The following CAST variants were observed in gnomAD, a reference collection of about 807,000 sequenced individuals.
The protein encoded by CAST is calpastatin.
In CAST, 76 loss-of-function variants were observed where a neutral mutation model predicts 119.6. That is an observed-to-expected ratio of 0.64 (90% confidence interval 0.53 to 0.77). The LOEUF (loss-of-function observed/expected upper bound fraction) is 0.77, where lower values mean the gene tolerates loss of function less well. Among genes scored for constraint, CAST ranks in the 30% least tolerant of loss-of-function variants. CAST has a pLI of 0.00. For synonymous variants in CAST, 319 were observed against 331.6 expected (o/e 0.96, Z 0.41); for missense variants, 953 against 946.5 (o/e 1.01, Z -0.09).
chr5:96,377,139 ACAGT>A, the CAST span, among the ~76,000 whole-genome samples: 18 of 152,142 alleles, frequency 1.2e-4, no homozygotes, highest in Admixed American at 3.9e-4. Flanking sequence ...GCCAAATAAA[ACAGT>A]CAAACTTTCA....
At chr5:96,122,386 T>C in the CAST span, among the ~76,000 whole-genome samples, 2 of 152,282 alleles carry the variant, frequency 1.3e-5, no homozygotes, top group African/African-American at 4.8e-5. Context: ...TTTTTTTCCT[T>C]TATAACTCAA....
chr5:96,432,744 G>A, the CAST span: 1 of 783,424 alleles, frequency 1.3e-6, no homozygotes, highest in Non-Finnish European at 2.2e-6. Flanking sequence ...GCAGCTCCTT[G>A]CTCTTTGCTA....
chr5:96,390,431 C>T, the CAST span: 12 of 152,156 alleles, frequency 7.9e-5, no homozygotes, highest in African/African-American at 2.9e-4. Flanking sequence ...GTCAATACAT[C>T]AAATGTATAA....
the CAST span, chr5:96,318,343 A>T: frequency 6.6e-6 from 1 of 152,220 alleles, no homozygotes; most frequent in African/African-American, 2.4e-5. Context: ...GAACTCAAAG[A>T]ACCTTCTATG....
chr5:96,306,958 T>C, the CAST span, among the ~76,000 whole-genome samples: 2 of 152,244 alleles, frequency 1.3e-5, no homozygotes, highest in Non-Finnish European at 2.9e-5. Flanking sequence ...TGTAGATGTC[T>C]ATTAGGTTGG....
chr5:96,383,707 A>C, the CAST span, among the ~76,000 whole-genome samples: 1 of 152,152 alleles, frequency 6.6e-6, no homozygotes, highest in African/African-American at 2.4e-5. Context: ...TGGCCTTCCA[A>C]AGTGCTGGGA....
chr5:96,675,698 C>A, intron 2 of CAST, 97 bp downstream of exon 2: 1 of 866,482 alleles, frequency 1.2e-6, no homozygotes, highest in African/African-American at 1.7e-5. Context: ...GAGCTTCTAC[C>A]TTGCTTAATA....
At chr5:95,985,896 C>A in the CAST span, among the ~76,000 whole-genome samples, 9 of 152,120 alleles carry the variant, frequency 5.9e-5, no homozygotes, top group Non-Finnish European at 1.2e-4. Context: ...GCTTTTTCTG[C>A]CGTTATTTTC....
At chr5:96,626,060 C>A (rs1338383210) in intron 1 of CAST, among the ~76,000 whole-genome samples, 1 of 152,144 alleles carries the variant, frequency 6.6e-6, no homozygotes, top group Non-Finnish European at 1.5e-5. Context: ...CCCCTTTATC[C>A]TCCACGGACA....
At chr5:96,439,898 G>A in the CAST span, among the ~76,000 whole-genome samples, 8 of 152,178 alleles carry the variant, frequency 5.3e-5, no homozygotes, top group East Asian at 1.4e-3. Flanking sequence ...GTTAGAAGAG[G>A]GACCAATCCT....
At chr5:96,213,782 C>T in the CAST span, 1 of 152,082 alleles carries the variant, frequency 6.6e-6, no homozygotes, top group African/African-American at 2.4e-5. Context: ...CAGAGTAAGA[C>T]CTTGTCTCTA....
At chr5:96,273,170 C>T in the CAST span, among the ~76,000 whole-genome samples, 16 of 152,264 alleles carry the variant, frequency 1.1e-4, no homozygotes, top group African/African-American at 1.7e-4. Flanking sequence ...GTTGATATGA[C>T]GTTGATAAAC....
At chr5:96,152,990 A>G in the CAST span, among the ~76,000 whole-genome samples, 1 of 152,248 alleles carries the variant, frequency 6.6e-6, no homozygotes, top group South Asian at 2.1e-4. Context: ...AAAAAATTGA[A>G]TTAGGGTGCT....
the CAST span, among the ~76,000 whole-genome samples, chr5:96,467,402 C>T: frequency 1.3e-5 from 2 of 152,022 alleles, no homozygotes; most frequent in South Asian, 4.1e-4. Context: ...AAGACTTCCC[C>T]TATACTGAGA....
At chr5:96,198,916 T>A in the CAST span, among the ~76,000 whole-genome samples, 1 of 152,160 alleles carries the variant, frequency 6.6e-6, no homozygotes, top group African/African-American at 2.4e-5. Context: ...CCATTTTTCA[T>A]GTTCCATATC....
At chr5:96,274,669 G>C in the CAST span, among the ~76,000 whole-genome samples, 1 of 152,232 alleles carries the variant, frequency 6.6e-6, no homozygotes, top group African/African-American at 2.4e-5. Flanking sequence ...ACAATGAGAA[G>C]AGAGGAAGAT....
At chr5:96,433,450 T>G in the CAST span, among the ~76,000 whole-genome samples, 2 of 152,236 alleles carry the variant, frequency 1.3e-5, no homozygotes, top group East Asian at 3.8e-4. Context: ...GCTCCTTGTC[T>G]GCCCATAAAT....
At chr5:96,533,596 T>C (rs1745731227) in intron 1 of CAST, among the ~76,000 whole-genome samples, 1 of 152,166 alleles carries the variant, frequency 6.6e-6, no homozygotes, top group Admixed American at 6.5e-5. Flanking sequence ...GCAGATACTT[T>C]AGCAAACCAC....
intron 1 of CAST, among the ~76,000 whole-genome samples, chr5:96,654,181 G>T (rs1580859435): frequency 6.6e-6 from 1 of 151,788 alleles, no homozygotes; most frequent in Middle Eastern, 3.4e-3. Flanking sequence ...GCACCACCAT[G>T]CCTGGCTAAA....
Sources: gnomAD v4.1 joint callset for allele counts (sites outside exome capture counted in the v4.1 genomes callset) on GRCh38, gnomAD v4.1.1 for gene constraint, MANE v1.5 for transcripts, NCBI Gene and HGNC (gene_info 2026-07-23, HGNC 2026-07-21) for gene names.